SPATA6: variants seen among roughly 807,000 people sequenced by gnomAD.
SPATA6 encodes spermatogenesis-associated protein 6.
A neutral mutation model predicts 65.3 loss-of-function variants in SPATA6; 56 were observed. The ratio of observed to expected loss-of-function variants is 0.86; its 90% CI spans 0.69 to 1.07. The LOEUF (loss-of-function observed/expected upper bound fraction) is 1.07, where lower values mean the gene tolerates loss of function less well. SPATA6 is among the 50% of genes least tolerant of loss of function. The probability of loss-of-function intolerance (pLI) is 0.00; values close to 1 mark genes in which losing one functional copy is unlikely to be tolerated. For synonymous variants in SPATA6, 199 were observed against 213.2 expected (o/e 0.93, Z 0.58); for missense variants, 590 against 594.8 (o/e 0.99, Z 0.08).
At chr1:48,279,858 C>T in the SPATA6 span, among the ~76,000 whole-genome samples, 1 of 152,188 alleles carries the variant, frequency 6.6e-6, no homozygotes, top group Non-Finnish European at 1.5e-5. Context: ...GAACTCTCCA[C>T]CCCAAATCAA....
intron 12 of SPATA6, among the ~76,000 whole-genome samples, chr1:48,299,531 A>AAAAAAAAAAAAAAAAAAAAAAAT (rs1160231188): frequency 6.7e-6 from 1 of 149,882 alleles, no homozygotes; most frequent in Non-Finnish European, 1.5e-5. Flanking sequence ...AAAAAAAAAA[A>AAAAAAAAAAAAAAAAAAAAAAAT]AAAAAAGAAT....
intron 9 of SPATA6, among the ~76,000 whole-genome samples, chr1:48,379,213 T>C (rs1301960143): frequency 6.6e-6 from 1 of 151,948 alleles, no homozygotes; most frequent in African/African-American, 2.4e-5. Context: ...CAAGCAACAG[T>C]GGGGAAAACT....
At chr1:48,395,105 T>A (rs1361762671) in intron 8 of SPATA6, among the ~76,000 whole-genome samples, 162 bp downstream of exon 8, 1 of 152,018 alleles carries the variant, frequency 6.6e-6, no homozygotes. Context: ...GAGTATATAG[T>A]TACTTTTTAC....
In SPATA6 at chr1:48,435,630, G is replaced by A. The variant is rs1271219818; in HGVS notation, c.238+15922C>T. 4.6e-5 allele frequency among the ~76,000 whole-genome samples: 7 copies of A among 152,056 alleles called. No individual in the cohort carries two copies. The East Asian group carries it at 5.8e-4, about 13-fold the overall frequency. On this transcript the variant is annotated intron_variant, in intron 3 of 12. Coordinates refer to ENST00000371847, the MANE Select transcript of SPATA6 (RefSeq NM_019073.4). ...GCATCAAGCAGCACTCTGTAAAAACGCACCAATCAGCACTCTGGGTCTAGC... is the reference window on the plus strand; with the variant it reads ...GCATCAAGCAGCACTCTGTAAAAACACACCAATCAGCACTCTGGGTCTAGC...
At chr1:48,413,375 C>T (rs966410095) in intron 3 of SPATA6, among the ~76,000 whole-genome samples, 9 of 150,602 alleles carry the variant, frequency 6.0e-5, no homozygotes, top group Admixed American at 4.0e-4. Context: ...CTGCAACCTC[C>T]GCCTCCCGGA....
At chr1:48,469,472 TTATATATATA>T (rs59371419) in intron 1 of SPATA6, among the ~76,000 whole-genome samples, 3,301 of 144,446 alleles carry the variant, frequency 0.023, 134 homozygotes, top group African/African-American at 0.079. Flanking sequence ...AAATATCTAT[TTATATATATA>T]TATATATATA....
intron 8 of SPATA6, among the ~76,000 whole-genome samples, chr1:48,389,796 C>T (rs1557654377): frequency 6.6e-6 from 1 of 152,102 alleles, no homozygotes; most frequent in Non-Finnish European, 1.5e-5. Flanking sequence ...GAACTCTAAA[C>T]CTGAAAGCAA....
At chr1:48,277,517 A>G in the SPATA6 span, among the ~76,000 whole-genome samples, 2 of 152,232 alleles carry the variant, frequency 1.3e-5, no homozygotes, top group African/African-American at 4.8e-5. Context: ...ACGGTGCACC[A>G]GGAGATTATA....
intron 3 of SPATA6, chr1:48,436,138 T>C (rs1452981210): frequency 1.2e-5 from 20 of 1,610,152 alleles, no homozygotes; most frequent in Non-Finnish European, 1.6e-5. Flanking sequence ...CGTTTCTCAC[T>C]ACGAGCTCCA....
At chr1:48,362,261 AAG>A (rs1646837170) in intron 9 of SPATA6, among the ~76,000 whole-genome samples, 1 of 152,166 alleles carries the variant, frequency 6.6e-6, no homozygotes, top group South Asian at 2.1e-4. Flanking sequence ...CTCAAAGAAA[AAG>A]AAAAAAAAGA....
chr1:48,288,769 G>T, the SPATA6 span, among the ~76,000 whole-genome samples: 6 of 152,176 alleles, frequency 3.9e-5, no homozygotes, highest in Non-Finnish European at 8.8e-5. Context: ...GTCTGAGATC[G>T]AACTGCAAGG....
At position 48,451,392 on chromosome 1, in the gene SPATA6, A is replaced by G. The variant is rs1656556105; in HGVS notation, c.238+160T>C. On this transcript the variant is annotated intron_variant, in intron 3 of 12. Transcript: ENST00000371847. ...TATATATCTTTTATTATTTCCAGGA[A>G]TATTCTGAAATTCTAAAAAGTATTA... 2.0e-5 allele frequency among the ~76,000 whole-genome samples: 3 copies of G among 152,334 alleles called. No individual in the cohort carries two copies. The South Asian group carries it at 6.2e-4, about 32-fold the overall frequency.
intron 1 of SPATA6, among the ~76,000 whole-genome samples, chr1:48,469,397 G>C (rs1162188645): frequency 6.6e-6 from 1 of 151,238 alleles, no homozygotes; most frequent in East Asian, 1.9e-4. Context: ...GTGATCTCCA[G>C]GACATACTGA....
rs1344917769 is a variant in SPATA6 at position 48,356,577 on chromosome 1, G to C, written c.1095-808C>G. Among the ~76,000 whole-genome samples, 11 of 145,406 alleles carry C rather than the reference G, an allele frequency of 7.6e-5. No individual in the cohort carries two copies. The East Asian group carries it at 2.2e-3, about 30-fold the overall frequency. ...CACCCATGCTGGAGTGCAATGGCGC[G>C]ACCTTGGTTAACTGCAACCTCCGCC... On this transcript the variant is annotated intron_variant, in intron 10 of 12. Transcript: ENST00000371847.
the SPATA6 span, among the ~76,000 whole-genome samples, chr1:48,268,560 A>C: frequency 2.0e-5 from 3 of 152,162 alleles, no homozygotes; most frequent in Non-Finnish European, 4.4e-5. Context: ...TAAATTAAAA[A>C]AAAAATCCAG....
intron 8 of SPATA6, among the ~76,000 whole-genome samples, chr1:48,389,430 C>T (rs913180423): frequency 6.6e-6 from 1 of 152,056 alleles, no homozygotes; most frequent in Non-Finnish European, 1.5e-5. Context: ...GCAGGGGGAC[C>T]AGTAATCCCT....
At chr1:48,357,213 T>C (rs778874466) in intron 10 of SPATA6, among the ~76,000 whole-genome samples, 1 of 152,136 alleles carries the variant, frequency 6.6e-6, no homozygotes, top group Non-Finnish European at 1.5e-5. Context: ...TTGGTCTAAT[T>C]TGAGTAATAA....
intron 9 of SPATA6, among the ~76,000 whole-genome samples, chr1:48,371,573 T>TA (rs1257036250): frequency 6.6e-5 from 10 of 152,230 alleles, no homozygotes. Flanking sequence ...CTCCACTATA[T>TA]GGTAACACAG....
intron 3 of SPATA6, among the ~76,000 whole-genome samples, chr1:48,443,926 C>T (rs1005454023): frequency 2.5e-4 from 38 of 152,264 alleles, no homozygotes; most frequent in African/African-American, 9.1e-4. Flanking sequence ...CAACTTCTAC[C>T]GAGGACCCCT....
Sources: gnomAD v4.1 joint callset for allele counts (sites outside exome capture counted in the v4.1 genomes callset) on GRCh38, gnomAD v4.1.1 for gene constraint, MANE v1.5 for transcripts, NCBI Gene and HGNC (gene_info 2026-07-23, HGNC 2026-07-21) for gene names.